The following ROCK1 variants were observed in gnomAD, a reference collection of about 807,000 sequenced individuals.
ROCK1 encodes Rho associated coiled-coil containing protein kinase 1.
ROCK1 carries 36 observed loss-of-function variants against 196.8 expected under a neutral mutation model. The observed-to-expected ratio is 0.18, with a 90% confidence interval of 0.14 to 0.24. The LOEUF is 0.24. ROCK1 is among the 10% of genes least tolerant of loss of function. The pLI, the probability that ROCK1 is intolerant of heterozygous loss-of-function variation, is 1.00. For missense variants in ROCK1, 920 were observed against 1,562.0 expected, an observed-to-expected ratio of 0.59 and a Z score of 6.93; for synonymous variants, 443 against 515.9, an observed-to-expected ratio of 0.86 and a Z score of 1.91.
rs192622308 is a variant in ROCK1 at position 21,061,327 on chromosome 18, G to A, written c.175+9205C>T. Among the ~76,000 whole-genome samples, 18 of 152,212 alleles carry A rather than the reference G, an allele frequency of 1.2e-4. No individual in the cohort carries two copies. In the Middle Eastern group the frequency reaches 0.01, roughly 86 times the overall value. ...ACTCCTGATCTCAGGTGATCTGCCC[G>A]CTTCAGCCTCCCAAGGTGCTGGGCT... On this transcript the variant is annotated intron_variant, in intron 2 of 32. Coordinates refer to ENST00000399799, the MANE Select transcript of ROCK1 (RefSeq NM_005406.3).
intron 31 of ROCK1, 132 bp downstream of exon 31, chr18:20,954,651 C>T (rs1484798774): frequency 2.0e-5 from 17 of 829,382 alleles, no homozygotes. Flanking sequence ...TGCATATTGC[C>T]CCACCAGTGT....
At chr18:21,033,854 TAAAAAAAAAAAA>T (rs71269004) in intron 9 of ROCK1, among the ~76,000 whole-genome samples, 22 of 33,464 alleles carry the variant, frequency 6.6e-4, no homozygotes, top group South Asian at 1.7e-3. Context: ...CCGTTTCTAC[TAAAAAAAAAAAA>T]AAAAAAAAAA....
intron 32 of ROCK1, among the ~76,000 whole-genome samples, chr18:20,951,937 GGAATTGGACAACATAGGCTTTA>G (rs546497769): frequency 0.011 from 1,668 of 152,222 alleles, 30 homozygotes; most frequent in African/African-American, 0.038. Context: ...TAGAGGCTTT[GGAATTGGACAACATAGGCTTTA>G]GAATTGGACA....
intron 17 of ROCK1, among the ~76,000 whole-genome samples, chr18:20,992,319 T>C (rs553671905): frequency 3.9e-4 from 59 of 152,356 alleles, no homozygotes; most frequent in African/African-American, 1.4e-3. Context: ...TGTATCTCTA[T>C]ATCATCTATT....
At chr18:21,026,155 C>T (rs1332446342) in intron 10 of ROCK1, among the ~76,000 whole-genome samples, 1 of 152,030 alleles carries the variant, frequency 6.6e-6, no homozygotes, top group Non-Finnish European at 1.5e-5. Context: ...AAAGTTAACA[C>T]TTCAGCAGGC....
chr18:21,027,271 C>A (rs1469748123), intron 10 of ROCK1, among the ~76,000 whole-genome samples: 1 of 152,148 alleles, frequency 6.6e-6, no homozygotes, highest in East Asian at 1.9e-4. Flanking sequence ...TACTAACCTA[C>A]ATTGCACAAT....
chr18:20,958,871 TTATATATATA>T (rs2035274533), intron 29 of ROCK1, among the ~76,000 whole-genome samples: 1 of 116,684 alleles, frequency 8.6e-6, no homozygotes, highest in African/African-American at 3.5e-5. Context: ...AATATATATA[TTATATATATA>T]AATATATATA....
At chr18:21,008,247 T>C in intron 13 of ROCK1, 53 bp from the exon 14 acceptor site, 1 of 1,288,572 alleles carries the variant, frequency 7.8e-7, no homozygotes, top group South Asian at 1.5e-5. Flanking sequence ...TGGTCATTCA[T>C]TCAAGTGAGT....
At chr18:21,025,461 T>C (rs1568386670) in intron 10 of ROCK1, among the ~76,000 whole-genome samples, 1 of 152,214 alleles carries the variant, frequency 6.6e-6, no homozygotes, top group Admixed American at 6.5e-5. Flanking sequence ...GGCTCACACC[T>C]GTAATCCGCT....
chr18:20,962,964 A>G (rs1338868780), intron 27 of ROCK1, among the ~76,000 whole-genome samples: 1 of 151,910 alleles, frequency 6.6e-6, no homozygotes, highest in East Asian at 1.9e-4. Flanking sequence ...ATATATAAAG[A>G]CCTCCTCTAA....
intron 2 of ROCK1, among the ~76,000 whole-genome samples, chr18:21,054,999 T>C (rs747821911): frequency 5.9e-5 from 9 of 152,156 alleles, no homozygotes; most frequent in Non-Finnish European, 1.0e-4. Context: ...ACTACACTCA[T>C]ACTTTCCCTC....
intron 2 of ROCK1, among the ~76,000 whole-genome samples, chr18:21,063,239 T>TTA (rs1427880547): frequency 3.3e-5 from 5 of 152,056 alleles, no homozygotes; most frequent in African/African-American, 1.2e-4. Context: ...TAAACTTTAA[T>TTA]GAGTTTTGGT....
chr18:21,106,853 C>T (rs911897536), intron 1 of ROCK1, among the ~76,000 whole-genome samples: 4 of 152,094 alleles, frequency 2.6e-5, no homozygotes, highest in Admixed American at 6.6e-5. Flanking sequence ...TACAGGTGTT[C>T]GAGAAAAGAT....
At chr18:20,966,476 C>T (rs1482939092) in intron 27 of ROCK1, among the ~76,000 whole-genome samples, 1 of 152,152 alleles carries the variant, frequency 6.6e-6, no homozygotes, top group Non-Finnish European at 1.5e-5. Context: ...CACTACTCCA[C>T]TAGATAGGGT....
intron 2 of ROCK1, among the ~76,000 whole-genome samples, chr18:21,055,695 C>G (rs888326689): frequency 2.6e-5 from 4 of 151,968 alleles, no homozygotes; most frequent in Non-Finnish European, 4.4e-5. Flanking sequence ...ATGCTGTTTT[C>G]TCTCCCATCT....
At chr18:20,978,787 A>G (rs535261532) in intron 22 of ROCK1, among the ~76,000 whole-genome samples, 2 of 152,350 alleles carry the variant, frequency 1.3e-5, no homozygotes, top group East Asian at 3.9e-4. Flanking sequence ...AGAAGGCATA[A>G]TTAGGAGGTG....
At chr18:21,001,764 CAAA>C (rs768401552) in intron 16 of ROCK1, among the ~76,000 whole-genome samples, 1 of 102,164 alleles carries the variant, frequency 9.8e-6, no homozygotes, top group Non-Finnish European at 2.0e-5. Flanking sequence ...GGCTCCGTCT[CAAA>C]AAAAAAAAAA....
chr18:21,002,155 C>G (rs1472834340), intron 16 of ROCK1, among the ~76,000 whole-genome samples: 2 of 152,108 alleles, frequency 1.3e-5, no homozygotes, highest in Non-Finnish European at 2.9e-5. Context: ...TTGACCAACC[C>G]AACAGTAGTG....
In ROCK1 at chr18:20,951,401, G is replaced by T; in HGVS notation, c.4062-14C>A. On this transcript the variant is annotated splice_polypyrimidine_tract_variant and intron_variant, in intron 32 of 32. Coordinates refer to ENST00000399799, the MANE Select transcript of ROCK1 (RefSeq NM_005406.3). ...TCACATGGTTAACTGTTGAGGGAGG[G>T]GGAAAAAACTAATTTAAGAAATGCA... The T allele has an allele frequency of 1.3e-6, 2 of 1,586,570 alleles. No homozygotes were observed. Among genetic ancestry groups the T allele is most frequent in the Non-Finnish European group, 1.7e-6 (2 of 1,165,030 alleles).
Sources: allele counts gnomAD v4.1 joint callset (sites outside exome capture counted in the v4.1 genomes callset), GRCh38; gene constraint gnomAD v4.1.1; transcripts MANE v1.5; gene names NCBI Gene and HGNC (gene_info 2026-07-23, HGNC 2026-07-21).